The following LRGUK variants were observed in gnomAD, a reference collection of about 807,000 sequenced individuals.
The protein encoded by LRGUK is leucine rich repeats and guanylate kinase domain containing.
In LRGUK, 65 loss-of-function variants were observed where a neutral mutation model predicts 76.0. The observed-to-expected ratio is 0.85, with a 90% CI of 0.70 to 1.05. The LOEUF is 1.05. Among genes scored for constraint, LRGUK ranks in the 50% least tolerant of loss-of-function variants. The pLI, the probability that LRGUK is intolerant of heterozygous loss-of-function variation, is 0.00. For missense variants in LRGUK, 758 were observed against 732.8 expected (o/e 1.03, Z -0.40); for synonymous variants, 268 against 265.6 (o/e 1.01, Z -0.09).
intron 16 of LRGUK, among the ~76,000 whole-genome samples, chr7:134,229,418 G>C (rs1422184981): frequency 3.1e-5 from 4 of 128,428 alleles, no homozygotes; most frequent in African/African-American, 8.9e-5. Context: ...ATCTATCTAT[G>C]TTCAGTAACA....
chr7:134,149,278 C>T (rs1226008664), intron 5 of LRGUK, among the ~76,000 whole-genome samples: 1 of 152,118 alleles, frequency 6.6e-6, no homozygotes, highest in East Asian at 1.9e-4. Flanking sequence ...CTTCTTCACA[C>T]CAGAGACTGA....
intron 15 of LRGUK, among the ~76,000 whole-genome samples, chr7:134,220,991 C>T (rs528682152): frequency 4.6e-5 from 7 of 152,214 alleles, no homozygotes; most frequent in East Asian, 1.9e-4. Context: ...CCTCTGACTT[C>T]GAGTCTTCAC....
At chr7:134,221,794 A>G (rs1801601607) in exon 16 of LRGUK, 1 of 1,544,668 alleles carries the variant, frequency 6.5e-7, no homozygotes, top group Non-Finnish European at 8.7e-7. Context: ...AAGACATCCC[A>G]CCTGAAACCT....
intron 11 of LRGUK, among the ~76,000 whole-genome samples, chr7:134,185,844 C>T (rs924417256): frequency 6.6e-6 from 1 of 152,142 alleles, no homozygotes; most frequent in African/African-American, 2.4e-5. Context: ...TTTATTTGAA[C>T]AACTCTAGGC....
At chr7:134,143,654 T>G (rs1298174010) in intron 4 of LRGUK, among the ~76,000 whole-genome samples, 2 of 152,084 alleles carry the variant, frequency 1.3e-5, no homozygotes, top group Non-Finnish European at 2.9e-5. Flanking sequence ...CCCTTTTATT[T>G]ATCTAACTTT....
chr7:134,227,335 G>A (rs989471610), intron 16 of LRGUK, among the ~76,000 whole-genome samples: 3 of 152,108 alleles, frequency 2.0e-5, no homozygotes, highest in African/African-American at 7.2e-5. Flanking sequence ...TGGAGTAAAG[G>A]TGAACAAAAA....
chr7:134,267,137 A>G (rs979128692), downstream of LRGUK, among the ~76,000 whole-genome samples: 1 of 152,200 alleles, frequency 6.6e-6, no homozygotes, highest in African/African-American at 2.4e-5. Flanking sequence ...GTTGAAGGAA[A>G]TTATTGAAAC....
At chr7:134,137,127 A>T (rs1421917432) in exon 2 of LRGUK, 1 of 1,605,864 alleles carries the variant, frequency 6.2e-7, no homozygotes, top group Non-Finnish European at 8.5e-7. Flanking sequence ...ATCTAACTTT[A>T]TCAGTGAGTA....
chr7:134,149,011 G>A (rs1209998661), intron 5 of LRGUK, among the ~76,000 whole-genome samples: 2 of 151,358 alleles, frequency 1.3e-5, no homozygotes, highest in African/African-American at 4.9e-5. Flanking sequence ...ATGGTCATAA[G>A]GAAAATTAGT....
intron 15 of LRGUK, among the ~76,000 whole-genome samples, chr7:134,219,824 C>T (rs1402333692): frequency 6.6e-6 from 1 of 152,030 alleles, no homozygotes; most frequent in African/African-American, 2.4e-5. Flanking sequence ...GATCTAGTTT[C>T]CCCCAGATGC....
At chr7:134,249,975 A>G (rs1403910647) in intron 18 of LRGUK, among the ~76,000 whole-genome samples, 1 of 152,120 alleles carries the variant, frequency 6.6e-6, no homozygotes, top group Non-Finnish European at 1.5e-5. Flanking sequence ...TGGCTGGTCT[A>G]TAGATTGGCT....
chr7:134,223,841 T>C (rs1042666169), intron 16 of LRGUK, among the ~76,000 whole-genome samples: 1 of 152,172 alleles, frequency 6.6e-6, no homozygotes, highest in Non-Finnish European at 1.5e-5. Flanking sequence ...AGGCTGGCCT[T>C]GAACGCCTGG....
At chr7:134,275,047 CT>C in the LRGUK span, among the ~76,000 whole-genome samples, 2 of 151,900 alleles carry the variant, frequency 1.3e-5, no homozygotes, top group Non-Finnish European at 2.9e-5. Flanking sequence ...TTTTGCTATA[CT>C]TTTTTTGCTC....
At chr7:134,195,656 A>C (rs1328423501) in intron 12 of LRGUK, among the ~76,000 whole-genome samples, 1 of 152,160 alleles carries the variant, frequency 6.6e-6, no homozygotes, top group African/African-American at 2.4e-5. Flanking sequence ...AACATCTTCC[A>C]AGTTGACACA....
At chr7:134,164,902 C>A (rs1018559526) in intron 7 of LRGUK, among the ~76,000 whole-genome samples, 48 of 152,230 alleles carry the variant, frequency 3.2e-4, no homozygotes, top group African/African-American at 1.2e-3. Flanking sequence ...TTGGCAACTT[C>A]TCCAGTTAAT....
At chr7:134,148,206 A>T in intron 4 of LRGUK, 32 bp from the exon 5 acceptor site, 1 of 1,332,040 alleles carries the variant, frequency 7.5e-7, no homozygotes, top group Non-Finnish European at 1.1e-6. Context: ...ATGAAATATT[A>T]ATATAACATC....
At chr7:134,275,507 A>T in the LRGUK span, among the ~76,000 whole-genome samples, 1 of 152,076 alleles carries the variant, frequency 6.6e-6, no homozygotes, top group Non-Finnish European at 1.5e-5. Flanking sequence ...TATTCCCAAG[A>T]TATATATGCT....
intron 16 of LRGUK, among the ~76,000 whole-genome samples, chr7:134,223,296 G>A (rs1801650133): frequency 6.6e-6 from 1 of 152,118 alleles, no homozygotes; most frequent in South Asian, 2.1e-4. Context: ...GTCGCTGAAG[G>A]CAGGAGAATC....
chr7:134,159,591 C>T (rs574361251), intron 6 of LRGUK, among the ~76,000 whole-genome samples: 1 of 152,116 alleles, frequency 6.6e-6, no homozygotes, highest in Non-Finnish European at 1.5e-5. Flanking sequence ...GAGTTCAAGA[C>T]CAGCCTGGCC....
Sources: allele counts gnomAD v4.1 joint callset (sites outside exome capture counted in the v4.1 genomes callset), GRCh38; gene constraint gnomAD v4.1.1; transcripts MANE v1.5; gene names NCBI Gene and HGNC (gene_info 2026-07-23, HGNC 2026-07-21).